The following RBPJ variants were observed in gnomAD, a reference collection of about 807,000 sequenced individuals.
The protein encoded by RBPJ is recombining binding protein suppressor of hairless.
Under a neutral mutation model 67.8 loss-of-function variants are expected in RBPJ, and 9 were observed. The ratio of observed to expected loss-of-function variants is 0.13; its 90% confidence interval spans 0.08 to 0.23. The LOEUF (loss-of-function observed/expected upper bound fraction) is 0.23, where lower values mean the gene tolerates loss of function less well. Ranked by LOEUF, RBPJ falls within the 10% of genes least tolerant of loss-of-function variation. RBPJ has a pLI of 1.00. For missense variants in RBPJ, 305 were observed against 595.6 expected (o/e 0.51, Z 5.08); for synonymous variants, 198 against 203.3 (o/e 0.97, Z 0.22).
chr4:26,278,007 G>T (rs986999802), intron 1 of RBPJ, among the ~76,000 whole-genome samples: 2 of 152,144 alleles, frequency 1.3e-5, no homozygotes, highest in African/African-American at 4.8e-5. Context: ...TTCTAAGCTA[G>T]CTCCTTTGCT....
rs1214782235 is a variant in RBPJ, at chr4:26,433,169, T to C, written c.*2162T>C. The stretch of plus-strand genomic sequence containing the variant: ...TCCTGCCTCACACCTTAAATCTGTT[T>C]CAGTGATCAAGGGCAGAACTCATTG... On this transcript the variant is annotated 3_prime_UTR_variant, in exon 11 of 11. Transcript: ENST00000355476. The C allele has an allele frequency of 6.6e-6, 1 of 152,230 alleles. No homozygotes were observed. Among genetic ancestry groups the C allele is most frequent in the Non-Finnish European group, 1.5e-5 (1 of 68,048 alleles). 9.4% of individuals were successfully genotyped at this position (152,230 alleles called of 1,614,324 possible).
chr4:26,394,430 C>T (rs1560319568), intron 2 of RBPJ, among the ~76,000 whole-genome samples: 1 of 151,512 alleles, frequency 6.6e-6, no homozygotes, highest in African/African-American at 2.4e-5. Flanking sequence ...TTGAAATACT[C>T]CCTTTAATAT....
At chr4:26,331,735 C>A (rs376296261) in intron 1 of RBPJ, among the ~76,000 whole-genome samples, 1 of 152,218 alleles carries the variant, frequency 6.6e-6, no homozygotes, top group South Asian at 2.1e-4. Context: ...TGCTCCTACT[C>A]GAGAACTGGC....
At chr4:26,286,123 T>C (rs554245935) in intron 1 of RBPJ, among the ~76,000 whole-genome samples, 1 of 151,508 alleles carries the variant, frequency 6.6e-6, no homozygotes, top group African/African-American at 2.4e-5. Flanking sequence ...AAACATGTTT[T>C]CATCCTACCA....
intron 1 of RBPJ, among the ~76,000 whole-genome samples, chr4:26,296,553 G>A (rs1261015113): frequency 6.6e-6 from 1 of 152,136 alleles, no homozygotes; most frequent in Non-Finnish European, 1.5e-5. Context: ...AAGGAGGTTG[G>A]CATATATGAC....
intron 1 of RBPJ, among the ~76,000 whole-genome samples, chr4:26,352,526 G>A (rs535321270): frequency 3.9e-5 from 6 of 152,256 alleles, no homozygotes; most frequent in Non-Finnish European, 7.4e-5. Context: ...AAGGCTGGGC[G>A]TGGTGGCTCA....
intron 1 of RBPJ, among the ~76,000 whole-genome samples, chr4:26,268,489 G>A (rs1720778589): frequency 6.6e-6 from 1 of 152,090 alleles, no homozygotes; most frequent in Admixed American, 6.6e-5. Context: ...TAATGAACCT[G>A]CTTTCTAATT....
At chr4:26,129,453 G>C in the RBPJ span, among the ~76,000 whole-genome samples, 1 of 152,214 alleles carries the variant, frequency 6.6e-6, no homozygotes, top group African/African-American at 2.4e-5. Context: ...GTAAAGTTGA[G>C]TGGAAAGAGC....
At chr4:26,306,704 C>A (rs1722250966) in intron 1 of RBPJ, among the ~76,000 whole-genome samples, 1 of 151,912 alleles carries the variant, frequency 6.6e-6, no homozygotes, top group Non-Finnish European at 1.5e-5. Context: ...CCGCTTCAGC[C>A]TCCCAAAGTG....
At chr4:26,192,755 GC>G (rs1717614406) in intron 1 of RBPJ, among the ~76,000 whole-genome samples, 1 of 152,138 alleles carries the variant, frequency 6.6e-6, no homozygotes, top group Non-Finnish European at 1.5e-5. Context: ...TGCCATGTAA[GC>G]CCATTTCTTA....
chr4:26,231,190 G>C (rs1362684692), intron 1 of RBPJ, among the ~76,000 whole-genome samples: 1 of 152,154 alleles, frequency 6.6e-6, no homozygotes, highest in Non-Finnish European at 1.5e-5. Context: ...AAAACCATAG[G>C]AGAAAGGCTA....
At chr4:26,345,428 C>T (rs1465352086) in intron 1 of RBPJ, among the ~76,000 whole-genome samples, 1 of 152,146 alleles carries the variant, frequency 6.6e-6, no homozygotes, top group Non-Finnish European at 1.5e-5. Flanking sequence ...GATGGCTTTC[C>T]TCGTATTGGT....
At chr4:26,168,169 G>A (rs557712533) in intron 1 of RBPJ, among the ~76,000 whole-genome samples, 72 of 151,944 alleles carry the variant, frequency 4.7e-4, no homozygotes, top group Non-Finnish European at 7.9e-4. Flanking sequence ...TCCTAGTCTC[G>A]ATGGTCTTTA....
chr4:26,272,516 A>T (rs1720948019), intron 1 of RBPJ: 3 of 337,604 alleles, frequency 8.9e-6, no homozygotes. Flanking sequence ...GGCTGCAATG[A>T]GCTGTGATCA....
chr4:26,118,216 T>C, the RBPJ span, among the ~76,000 whole-genome samples: 17 of 152,308 alleles, frequency 1.1e-4, no homozygotes, highest in African/African-American at 4.1e-4. Context: ...AAAGGGTTCA[T>C]AGAGATTCAG....
Position 26,425,088 on chromosome 4 carries a change from G to A in RBPJ, c.747+345G>A, listed in dbSNP as rs1200977708. On this transcript the variant is annotated intron_variant, in intron 7 of 10. Transcript: ENST00000355476. ...TTTTCTTTACTAATGCGGATAAACC[G>A]TATTCATTTTTTTGTGGTACCTGCC... 8 of 302,458 alleles carry A rather than the reference G, an allele frequency of 2.6e-5. No homozygotes were observed. In the East Asian group the frequency reaches 3.2e-4, roughly 12 times the overall value. The allele number at this position is 302,458 out of a possible 1,614,324, so 18.7% of individuals were successfully genotyped here.
rs563617357 is a variant in RBPJ, at chr4:26,246,539, C to T, written c.-167+82925C>T. ...TTCTGGGAATTGTATCAGCTTGGCT[C>T]TTTGGGAAAATGCCACTGACATTAA... On this transcript the variant is annotated intron_variant, in intron 1 of 4. Transcript: ENST00000512351. 3.3e-3 allele frequency among the ~76,000 whole-genome samples: 502 copies of T among 152,292 alleles called. 3 individuals carry two copies. Among genetic ancestry groups the T allele is most frequent in the Non-Finnish European group, 4.7e-3 (320 of 68,024 alleles).
chr4:26,308,284 AAAAG>A (rs1346623698), intron 1 of RBPJ, among the ~76,000 whole-genome samples: 1 of 152,210 alleles, frequency 6.6e-6, no homozygotes, highest in Non-Finnish European at 1.5e-5. Context: ...TCAAAAAAAA[AAAAG>A]AGTTTCTCTA....
At chr4:26,185,399 G>A (rs973137161) in intron 1 of RBPJ, among the ~76,000 whole-genome samples, 8 of 152,060 alleles carry the variant, frequency 5.3e-5, no homozygotes, top group Admixed American at 1.3e-4. Context: ...TCAACACCAC[G>A]GTCAGGGTAA....
Sources: gnomAD v4.1 joint callset for allele counts (sites outside exome capture counted in the v4.1 genomes callset) on GRCh38, gnomAD v4.1.1 for gene constraint, MANE v1.5 for transcripts, NCBI Gene and HGNC (gene_info 2026-07-23, HGNC 2026-07-21) for gene names.